Variants in PLPP1 observed in about 807,000 individuals in gnomAD.
PLPP1 encodes the protein phospholipid phosphatase 1, also known as lipid phosphate phosphohydrolase 1a.
A neutral mutation model predicts 31.2 loss-of-function variants in PLPP1; 24 were observed. That is an observed-to-expected ratio of 0.77 (90% CI 0.56 to 1.08). The LOEUF is 1.08. Among genes scored for constraint, PLPP1 ranks in the 50% least tolerant of loss-of-function variants. The pLI is 0.00. For synonymous variants in PLPP1, 146 were observed against 126.3 expected (o/e 1.16, Z -1.05); for missense variants, 319 against 342.7 (o/e 0.93, Z 0.55).
intron 1 of PLPP1, among the ~76,000 whole-genome samples, chr5:55,529,429 C>T (rs1740579704): frequency 6.6e-6 from 1 of 152,098 alleles, no homozygotes; most frequent in African/African-American, 2.4e-5. Context: ...ACTGAAAATT[C>T]TGAGGCCAAA....
chr5:55,449,361 G>T (rs1464660066), intron 3 of PLPP1, among the ~76,000 whole-genome samples: 2 of 152,254 alleles, frequency 1.3e-5, no homozygotes, highest in African/African-American at 4.8e-5. Context: ...TAATATATAT[G>T]TGACAATATT....
intron 4 of PLPP1, among the ~76,000 whole-genome samples, chr5:55,435,332 G>A (rs1661088344): frequency 6.6e-6 from 1 of 152,186 alleles, no homozygotes; most frequent in Non-Finnish European, 1.5e-5. Flanking sequence ...AGAAAAGGGG[G>A]CCTAATCCGG....
chr5:55,530,751 C>A, intron 1 of PLPP1: 1 of 1,568,548 alleles, frequency 6.4e-7, no homozygotes, highest in African/African-American at 1.3e-5. Context: ...CGCTTTCCCT[C>A]ATTGCAGTCA....
chr5:55,450,837 T>A (rs6873784), intron 3 of PLPP1, among the ~76,000 whole-genome samples: 1 of 152,114 alleles, frequency 6.6e-6, no homozygotes, highest in Non-Finnish European at 1.5e-5. Flanking sequence ...CCACCACCCA[T>A]CCCCTTTGTA....
intron 1 of PLPP1, 68 bp downstream of exon 1, chr5:55,534,504 G>A (rs1224214159): frequency 4.2e-6 from 6 of 1,440,922 alleles, no homozygotes; most frequent in Non-Finnish European, 5.5e-6. Context: ...GCTGCCCGTC[G>A]CGGCTCTGCG....
chr5:55,464,009 G>A (rs1405131137), intron 3 of PLPP1, among the ~76,000 whole-genome samples: 1 of 150,418 alleles, frequency 6.6e-6, no homozygotes, highest in Non-Finnish European at 1.5e-5. Flanking sequence ...GAATGGACAA[G>A]AAACACACGA....
At chr5:55,532,900 G>C (rs1740723496) in intron 1 of PLPP1, among the ~76,000 whole-genome samples, 1 of 149,628 alleles carries the variant, frequency 6.7e-6, no homozygotes, top group Non-Finnish European at 1.5e-5. Flanking sequence ...AGGTTGCAGT[G>C]AGCCAAGATC....
In PLPP1 at chr5:55,532,780, A is replaced by C. The variant is rs569294400; in HGVS notation, c.58+1792T>G. 3.2e-4 allele frequency among the ~76,000 whole-genome samples: 48 copies of C among 152,156 alleles called. No individual in the cohort carries two copies. In the South Asian group the frequency reaches 9.3e-3, roughly 30 times the overall value. On this transcript the variant is annotated intron_variant, in intron 1 of 5. Coordinates refer to ENST00000307259, the MANE Select transcript of PLPP1 (RefSeq NM_003711.4). ...AAGGCCAGCCTGGCCAAGACGGTGA[A>C]ACCCCGTCTCTACTAAAAATACGAA...
chr5:55,432,981 G>A (rs1196379386), intron 4 of PLPP1, among the ~76,000 whole-genome samples: 1 of 151,904 alleles, frequency 6.6e-6, no homozygotes, highest in Non-Finnish European at 1.5e-5. Context: ...CAGCATAGCA[G>A]TGAAGACCTA....
At chr5:55,431,080 A>G (rs770161802) in intron 4 of PLPP1, among the ~76,000 whole-genome samples, 60 of 152,232 alleles carry the variant, frequency 3.9e-4, no homozygotes, top group Non-Finnish European at 7.2e-4. Flanking sequence ...CCATAAAGTC[A>G]TCAAATATTC....
intron 4 of PLPP1, among the ~76,000 whole-genome samples, chr5:55,434,292 G>A (rs1245358637): frequency 1.3e-5 from 2 of 151,868 alleles, no homozygotes; most frequent in Non-Finnish European, 2.9e-5. Flanking sequence ...GACAGAAACA[G>A]GTGGAAAGAT....
intron 2 of PLPP1, among the ~76,000 whole-genome samples, chr5:55,471,415 T>C (rs1267310636): frequency 6.6e-6 from 1 of 152,116 alleles, no homozygotes; most frequent in Non-Finnish European, 1.5e-5. Context: ...TTGACCAGGG[T>C]GGTCTCGAAC....
In PLPP1 at chr5:55,516,810, T is replaced by C. The variant is rs545016053; in HGVS notation, c.58+17762A>G. Among the ~76,000 whole-genome samples, 4 of 152,336 alleles carry C rather than the reference T, an allele frequency of 2.6e-5. No homozygotes were observed. The East Asian group carries it at 7.7e-4, about 29-fold the overall frequency. ...TTTCGTGTCTTAATAAAATACAAAATCTGCAGTTGAAATTGCAAGGTAAGA... is the reference window on the plus strand; with the variant it reads ...TTTCGTGTCTTAATAAAATACAAAACCTGCAGTTGAAATTGCAAGGTAAGA... On this transcript the variant is annotated intron_variant, in intron 1 of 5. Transcript: ENST00000307259.
In PLPP1 at chr5:55,489,457, A is replaced by G. The variant is rs185265307; in HGVS notation, c.59-14007T>C. Reference sequence around the variant, plus strand: ...TAAGTAACCAGTTATGGTGGGATGTATTTCTTAGAAAAAGAAGTATCCCCT... The same window carrying G: ...TAAGTAACCAGTTATGGTGGGATGTGTTTCTTAGAAAAAGAAGTATCCCCT... On this transcript the variant is annotated intron_variant, in intron 1 of 5. Transcript: ENST00000307259. 5.2e-3 allele frequency among the ~76,000 whole-genome samples: 798 copies of G among 152,318 alleles called. 3 individuals carry two copies. The highest frequency in any genetic ancestry group is 8.1e-3 in the Non-Finnish European group (552 of 68,022).
chr5:55,518,396 C>T (rs1267559721), intron 1 of PLPP1, among the ~76,000 whole-genome samples: 2 of 151,750 alleles, frequency 1.3e-5, no homozygotes, highest in Non-Finnish European at 2.9e-5. Context: ...AAAATTGACA[C>T]CCAGCTGGGG....
intron 3 of PLPP1, among the ~76,000 whole-genome samples, chr5:55,460,384 CT>C (rs1443071279): frequency 1.3e-5 from 2 of 151,890 alleles, no homozygotes; most frequent in Non-Finnish European, 2.9e-5. Context: ...AAAAGAAACC[CT>C]TGAAACTAAC....
chr5:55,509,081 C>T (rs1438953551), intron 1 of PLPP1, among the ~76,000 whole-genome samples: 5 of 152,114 alleles, frequency 3.3e-5, no homozygotes, highest in African/African-American at 1.2e-4. Context: ...ACTAAAGTAA[C>T]GTAGAGGGGA....
intron 1 of PLPP1, 24 bp from the exon 2 acceptor site, chr5:55,475,474 A>G (rs750079713): frequency 1.3e-6 from 2 of 1,568,798 alleles, no homozygotes; most frequent in South Asian, 2.4e-5. Flanking sequence ...ATAAATGAAA[A>G]TATCATTAAA....
intron 3 of PLPP1, among the ~76,000 whole-genome samples, chr5:55,464,090 C>A (rs1283460690): frequency 1.3e-5 from 2 of 151,768 alleles, no homozygotes; most frequent in Non-Finnish European, 2.9e-5. Context: ...ATAACAAAAA[C>A]CCTTAGAATG....
Sources: gnomAD v4.1 joint callset for allele counts (sites outside exome capture counted in the v4.1 genomes callset) on GRCh38, gnomAD v4.1.1 for gene constraint, MANE v1.5 for transcripts, NCBI Gene and HGNC (gene_info 2026-07-23, HGNC 2026-07-21) for gene names.